Variants in TBRG4 observed in about 807,000 individuals in gnomAD.
TBRG4 encodes the protein FAST kinase domain-containing protein 4.
TBRG4 carries 43 observed loss-of-function variants against 65.6 expected under a neutral mutation model. That is an observed-to-expected ratio of 0.66 (90% confidence interval 0.51 to 0.85). The LOEUF is 0.85. Among genes scored for constraint, TBRG4 ranks in the 40% least tolerant of loss-of-function variants. The pLI, the probability that TBRG4 is intolerant of heterozygous loss-of-function variation, is 0.00. For missense variants in TBRG4, 709 were observed against 787.9 expected (o/e 0.90, Z 1.20); for synonymous variants, 366 against 341.4 (o/e 1.07, Z -0.79).
Position 45,101,249 on chromosome 7 carries a change from G to C in TBRG4, c.1794+9C>G, listed in dbSNP as rs374491218. The C allele has an allele frequency of 1.2e-4, 187 of 1,611,116 alleles. No homozygotes were observed. The African/African-American group carries it at 2.3e-3, about 20-fold the overall frequency. On this transcript the variant is annotated intron_variant, in intron 10 of 10. Coordinates refer to ENST00000258770, the MANE Select transcript of TBRG4 (RefSeq NM_004749.4). ...CTGTGCAGTGACCACCTGCCCAAGA[G>C]GTACTCACGTCCACTATCAGGAAGC... is the stretch of plus-strand genomic sequence containing the variant.
Position 45,104,476 on chromosome 7 carries a change from G to A in TBRG4, c.907+62C>T, listed in dbSNP as rs756232927. ...ATAGGACAGGTACTGAATTTGACACGGCTGCAGGCATCTGCAGGGCCAGCG... is the reference window on the plus strand; with the variant it reads ...ATAGGACAGGTACTGAATTTGACACAGCTGCAGGCATCTGCAGGGCCAGCG... On this transcript the variant is annotated intron_variant, in intron 4 of 10. Coordinates refer to ENST00000258770, the MANE Select transcript of TBRG4 (RefSeq NM_004749.4). The A allele has an allele frequency of 3.7e-6, 6 of 1,611,212 alleles. No individual in the cohort carries two copies. The African/African-American group carries it at 5.3e-5, about 14-fold the overall frequency.
In TBRG4 at chr7:45,104,649, C is replaced by T. The variant is rs777196714; in HGVS notation, c.796G>A (p.Ala266Thr). ...GGCACGGACCGCCGGCTCTGAGCTG[C>T]CAGCATCACCAGCACCTTCCGCAGC... ...NELRKVLVMLAAQSRRSVPLL... is the reference protein window; with the variant it reads ...NELRKVLVMLTAQSRRSVPLL... The change falls in exon 4 of 11, where the codon GCA becomes ACA. Residue 266 changes from alanine to threonine, a missense_variant. Physicochemically the swap from Ala to Thr is moderately conservative, Grantham distance 58 (BLOSUM62 0). Coordinates refer to ENST00000258770, the MANE Select transcript of TBRG4 (RefSeq NM_004749.4). 6.2e-7 allele frequency: 1 copy of T among 1,613,956 alleles called. No homozygotes were observed. Among genetic ancestry groups the T allele is most frequent in the Non-Finnish European group, 8.5e-7 (1 of 1,180,038 alleles).
At chr7:45,101,718 A>C in intron 8 of TBRG4, 104 bp from the exon 9 acceptor site, 1 of 1,594,230 alleles carries the variant, frequency 6.3e-7, no homozygotes. Flanking sequence ...CCAGGCTGAC[A>C]CCCTGCAGCT....
At chr7:45,102,186 G>T (rs7792895) in intron 7 of TBRG4, 116 bp from the exon 8 acceptor site, 186,375 of 1,531,848 alleles carry the variant, frequency 0.12, 13,370 homozygotes, top group Non-Finnish European at 0.14. Flanking sequence ...TGGGTCAGGA[G>T]GCAGCAGAGT....
chr7:45,102,585 C>T (rs2128644512), intron 6 of TBRG4, 94 bp from the exon 7 acceptor site: 1 of 1,530,934 alleles, frequency 6.5e-7, no homozygotes, highest in Non-Finnish European at 8.8e-7. Context: ...TGGTCTTGGC[C>T]TGGTTGGGAT....
chr7:45,101,650 G>A (rs1308293265), intron 8 of TBRG4, 36 bp from the exon 9 acceptor site: 2 of 1,605,502 alleles, frequency 1.2e-6, no homozygotes, highest in Non-Finnish European at 1.7e-6. Flanking sequence ...CATGTTGGGG[G>A]ACATCCCTCA....
At chr7:45,109,340 A>T (rs1014005277) in intron 1 of TBRG4, 53 bp from the exon 2 acceptor site, 26 of 1,417,318 alleles carry the variant, frequency 1.8e-5, no homozygotes, top group Admixed American at 2.8e-5. Flanking sequence ...TTCCTGACTC[A>T]CAAACTTGAG....
Position 45,103,541 on chromosome 7 carries a change from A to G in TBRG4, c.1066-98T>C. ...GAGTCTGAGGAGAGCCTGCATGGCC[A>G]GGGGCAATGGCAGGACCCTCCATCC... On this transcript the variant is annotated intron_variant, in intron 5 of 10. Coordinates refer to ENST00000258770, the MANE Select transcript of TBRG4 (RefSeq NM_004749.4). 2.1e-6 allele frequency: 2 copies of G among 938,842 alleles called. 1 individual carries two copies. The highest frequency in any genetic ancestry group is 2.9e-5 in the South Asian group (2 of 68,496). The allele number at this position is 938,842 out of a possible 1,614,324, so 58.2% of individuals were successfully genotyped here.
rs751037252 is a variant in TBRG4 at position 45,103,363 on chromosome 7, A to C, written c.1146T>G (p.His382Gln). ...TGAAGAACTGATCCTCTTGGTCTGG[A>C]TGGAAGTTCAGACGCGCAAAAGCCA... ...VLLAFARLNF[H>Q]PDQEDQFFSL... The change falls in exon 6 of 11, where the codon CAT becomes CAG. Residue 382 changes from histidine to glutamine, a missense_variant. His to Gln is a conservative substitution (Grantham distance 24, BLOSUM62 0). Transcript: ENST00000258770. The C allele has an allele frequency of 2.0e-5, 32 of 1,613,740 alleles. No individual in the cohort carries two copies. The Middle Eastern group carries it at 6.6e-4, about 33-fold the overall frequency.
At chr7:45,101,201 C>G in intron 10 of TBRG4, 57 bp downstream of exon 10, 1 of 1,549,194 alleles carries the variant, frequency 6.5e-7, no homozygotes, top group Non-Finnish European at 8.8e-7. Flanking sequence ...GATCCCCTCT[C>G]TAGCGTGGGT....
In TBRG4 at chr7:45,104,028, A is replaced by G. The variant is rs114784152; in HGVS notation, c.1065+71T>C. 208 of 1,475,954 alleles carry G rather than the reference A, an allele frequency of 1.4e-4. No individual in the cohort carries two copies. In the African/African-American group the frequency reaches 2.6e-3, roughly 19 times the overall value. 91.4% of individuals were successfully genotyped at this position (1,475,954 alleles called of 1,614,324 possible). On this transcript the variant is annotated intron_variant, in intron 5 of 10. Transcript: ENST00000258770. ...TTTTCAGACTGGCTTTACTTTCCCGACTAAGGCAATGGTTCCCAGCAGATG... is the reference window on the plus strand; with the variant it reads ...TTTTCAGACTGGCTTTACTTTCCCGGCTAAGGCAATGGTTCCCAGCAGATG...
rs549893134 is a variant in TBRG4 at position 45,101,605 on chromosome 7, A to G, written c.1577T>C (p.Val526Ala). The change falls in exon 9 of 11, where the codon GTG becomes GCG. Residue 526 changes from valine (V) to alanine (A), a missense_variant. Val to Ala is a moderately conservative substitution (Grantham distance 64, BLOSUM62 0). Coordinates refer to ENST00000258770, the MANE Select transcript of TBRG4 (RefSeq NM_004749.4). The stretch of plus-strand genomic sequence containing the variant: ...AAACTCGCCGTCACTGTCCAGCAGC[A>G]CCTCAGCATCTGGGGAAGGGGTGTG... ...TQYGWVLDAE[V>A]LLDSDGEFLP... 2 of 1,613,370 alleles carry G rather than the reference A, an allele frequency of 1.2e-6. No homozygotes were observed. The highest frequency in any genetic ancestry group is 3.3e-5 in the Admixed American group (2 of 59,992).
chr7:45,103,540 C>T, intron 5 of TBRG4, 97 bp from the exon 6 acceptor site: 2 of 951,934 alleles, frequency 2.1e-6, no homozygotes, highest in Non-Finnish European at 3.3e-6. Flanking sequence ...CCTGCATGGC[C>T]AGGGGCAATG....
rs1401603576 is a variant in TBRG4, at chr7:45,101,671, C to CA, written c.1568-58dup. 7 of 1,600,940 alleles carry CA rather than the reference C, an allele frequency of 4.4e-6. No homozygotes were observed. The African/African-American group carries it at 8.0e-5, about 18-fold the overall frequency. On this transcript the variant is annotated intron_variant, in intron 8 of 10. Coordinates refer to ENST00000258770, the MANE Select transcript of TBRG4 (RefSeq NM_004749.4). ...GGGGGACATCCCTCAGAAACCCCCC[C>CA]ACAGGAAAGATGAACAAAGATGGGA...
At chr7:45,101,658 T>C in intron 8 of TBRG4, 44 bp from the exon 9 acceptor site, 1 of 1,603,044 alleles carries the variant, frequency 6.2e-7, no homozygotes, top group Non-Finnish European at 8.5e-7. Flanking sequence ...GGGACATCCC[T>C]CAGAAACCCC....
At chr7:45,102,847 C>T (rs995175774) in intron 6 of TBRG4, among the ~76,000 whole-genome samples, 3 of 152,214 alleles carry the variant, frequency 2.0e-5, no homozygotes, top group African/African-American at 7.2e-5. Flanking sequence ...AATCTCTGGT[C>T]CTCTGAGAGA....
intron 5 of TBRG4, 99 bp downstream of exon 5, chr7:45,104,000 G>T: frequency 7.1e-7 from 1 of 1,417,108 alleles, no homozygotes; most frequent in Non-Finnish European, 9.3e-7. Flanking sequence ...CCACAAGTGA[G>T]CATTTTCAGA....
At chr7:45,100,490 C>G in intron 10 of TBRG4, 64 bp from the exon 11 acceptor site, 2 of 1,293,794 alleles carry the variant, frequency 1.5e-6, no homozygotes, top group East Asian at 2.3e-5. Flanking sequence ...AGTGGCTCTG[C>G]CTGCTTGCCT....
In TBRG4 at chr7:45,102,335, C is replaced by T. The variant is rs761965281; in HGVS notation, c.1321+12G>A. The T allele has an allele frequency of 5.6e-6, 9 of 1,613,904 alleles. No individual in the cohort carries two copies. In the African/African-American group the frequency reaches 8.0e-5, roughly 14 times the overall value. On this transcript the variant is annotated intron_variant, in intron 7 of 10. Transcript: ENST00000258770. ...TTCCCAGTTCCAGTAGTACTAGGGG[C>T]AGGGGGCTCACCTAGAAATTGGATG... is the stretch of plus-strand genomic sequence containing the variant.
Sources: allele counts gnomAD v4.1 joint callset (sites outside exome capture counted in the v4.1 genomes callset), GRCh38; gene constraint gnomAD v4.1.1; transcripts MANE v1.5; gene names NCBI Gene and HGNC (gene_info 2026-07-23, HGNC 2026-07-21).